CCDC7: variants seen among roughly 807,000 people sequenced by gnomAD.
CCDC7 encodes coiled-coil domain containing 7, also known as coiled-coil domain-containing protein 7.
Under a neutral mutation model 196.9 loss-of-function variants are expected in CCDC7, and 183 were observed. The observed-to-expected ratio is 0.93, with a 90% CI of 0.82 to 1.05. The LOEUF is 1.05. Among genes scored for constraint, CCDC7 ranks in the 50% least tolerant of loss-of-function variants. CCDC7 has a pLI of 0.00. For missense variants in CCDC7, 1,540 were observed against 1,482.2 expected (o/e 1.04, Z -0.64); for synonymous variants, 525 against 484.6 (o/e 1.08, Z -1.10).
At chr10:32,723,912 G>A (rs1042742192) in intron 25 of CCDC7, among the ~76,000 whole-genome samples, 1 of 151,922 alleles carries the variant, frequency 6.6e-6, no homozygotes, top group African/African-American at 2.4e-5. Context: ...ACTAGTAACT[G>A]GGTGCAACTC....
chr10:32,602,759 TA>T (rs2061191156), intron 18 of CCDC7, among the ~76,000 whole-genome samples: 1 of 152,208 alleles, frequency 6.6e-6, no homozygotes, highest in African/African-American at 2.4e-5. Flanking sequence ...TTAATGTAGT[TA>T]AAGTGTTCAG....
chr10:32,558,738 G>GGGAGCTC (rs1415383581), intron 13 of CCDC7, among the ~76,000 whole-genome samples: 4 of 152,218 alleles, frequency 2.6e-5, no homozygotes, highest in African/African-American at 7.2e-5. Context: ...CAGCGTGAGT[G>GGGAGCTC]ACGCAGAAGA....
intron 30 of CCDC7, among the ~76,000 whole-genome samples, chr10:32,806,505 G>T (rs2085896361): frequency 6.6e-6 from 1 of 152,048 alleles, no homozygotes; most frequent in African/African-American, 2.4e-5. Context: ...AAGATATTAT[G>T]ACAATGTTTC....
At chr10:32,461,116 T>C (rs1487176378) in intron 3 of CCDC7, among the ~76,000 whole-genome samples, 1 of 152,190 alleles carries the variant, frequency 6.6e-6, no homozygotes, top group African/African-American at 2.4e-5. Context: ...CACTTTAACA[T>C]TAGATATTTA....
At chr10:32,725,575 G>A (rs546633099) in intron 25 of CCDC7, among the ~76,000 whole-genome samples, 2 of 152,210 alleles carry the variant, frequency 1.3e-5, no homozygotes, top group South Asian at 4.1e-4. Flanking sequence ...AATTTATGAA[G>A]AAAAGAGGCT....
At chr10:32,639,826 T>A (rs1322781829) in intron 20 of CCDC7, among the ~76,000 whole-genome samples, 1 of 152,076 alleles carries the variant, frequency 6.6e-6, no homozygotes, top group East Asian at 1.9e-4. Flanking sequence ...AGATGGGGTT[T>A]CACCATGGTC....
At chr10:32,705,575 T>C (rs1309781749) in intron 24 of CCDC7, among the ~76,000 whole-genome samples, 1 of 151,972 alleles carries the variant, frequency 6.6e-6, no homozygotes. Context: ...AGGAGACCCA[T>C]CTCACGTGCA....
chr10:32,480,279 A>G (rs2039727507), intron 8 of CCDC7, among the ~76,000 whole-genome samples: 1 of 151,044 alleles, frequency 6.6e-6, no homozygotes, highest in African/African-American at 2.4e-5. Context: ...GTGTGACATT[A>G]CGTTATTTGA....
intron 18 of CCDC7, among the ~76,000 whole-genome samples, chr10:32,601,880 A>T (rs757084962): frequency 2.0e-5 from 3 of 152,078 alleles, no homozygotes; most frequent in Non-Finnish European, 4.4e-5. Flanking sequence ...TGTAAAATGG[A>T]CCAATCAGTG....
intron 24 of CCDC7, 55 bp downstream of exon 25, chr10:32,695,047 C>G (rs2077536451): frequency 2.1e-6 from 2 of 952,688 alleles, no homozygotes; most frequent in Non-Finnish European, 3.0e-6. Flanking sequence ...CTCATTAGAT[C>G]ATTTTTCTTT....
intron 32 of CCDC7, among the ~76,000 whole-genome samples, chr10:32,828,617 A>C (rs572550845): frequency 1.2e-4 from 19 of 152,196 alleles, no homozygotes; most frequent in Non-Finnish European, 1.9e-4. Flanking sequence ...TGGTCTTACC[A>C]TGTTCCCCAT....
chr10:32,667,465 A>G (rs1318074086), intron 21 of CCDC7, among the ~76,000 whole-genome samples: 1 of 152,176 alleles, frequency 6.6e-6, no homozygotes. Flanking sequence ...CCTGAATGGT[A>G]TCGCCTAGAT....
chr10:32,515,711 T>TG (rs2046915205), intron 9 of CCDC7, among the ~76,000 whole-genome samples: 1 of 121,456 alleles, frequency 8.2e-6, no homozygotes, highest in Non-Finnish European at 1.9e-5. Context: ...ACCCGGCTAA[T>TG]TTTTTTTTTT....
At chr10:32,701,839 T>C (rs1208002252) in intron 24 of CCDC7, among the ~76,000 whole-genome samples, 1 of 152,188 alleles carries the variant, frequency 6.6e-6, no homozygotes, top group African/African-American at 2.4e-5. Flanking sequence ...TGGTAGTTTG[T>C]ATTTCTGTGG....
chr10:32,608,111 C>T (rs749536019), intron 18 of CCDC7, among the ~76,000 whole-genome samples: 13 of 151,974 alleles, frequency 8.6e-5, no homozygotes, highest in Non-Finnish European at 1.3e-4. Context: ...TTTTCATAGT[C>T]GTCTCTGATG....
chr10:32,471,982 C>T (rs2038047431), intron 6 of CCDC7, among the ~76,000 whole-genome samples: 1 of 152,100 alleles, frequency 6.6e-6, no homozygotes, highest in Non-Finnish European at 1.5e-5. Context: ...CTTTGATTTT[C>T]ATAACTACTT....
At chr10:32,628,118 A>G (rs1344675031) in intron 18 of CCDC7, among the ~76,000 whole-genome samples, 1 of 151,964 alleles carries the variant, frequency 6.6e-6, no homozygotes, top group African/African-American at 2.4e-5. Context: ...TCTTGGTAGA[A>G]TTGAGCACAG....
intron 15 of CCDC7, 93 bp from the exon 17 acceptor site, chr10:32,571,765 TA>T: frequency 3.3e-6 from 4 of 1,208,656 alleles, no homozygotes; most frequent in Non-Finnish European, 4.4e-6. Context: ...ATTGTCATAT[TA>T]AAAAACTACC....
At chr10:32,746,268 T>C in intron 28 of CCDC7, among the ~76,000 whole-genome samples, 1 of 152,034 alleles carries the variant, frequency 6.6e-6, no homozygotes, top group Non-Finnish European at 1.5e-5. Context: ...CCCCAGAAAT[T>C]TTTGGGGAAA....
Sources: gnomAD v4.1 joint callset for allele counts (sites outside exome capture counted in the v4.1 genomes callset) on GRCh38, gnomAD v4.1.1 for gene constraint, MANE v1.5 for transcripts, NCBI Gene and HGNC (gene_info 2026-07-23, HGNC 2026-07-21) for gene names.